The following MAP3K11 variants were observed in gnomAD, a reference collection of about 807,000 sequenced individuals.
The protein encoded by MAP3K11 is mitogen-activated protein kinase kinase kinase 11.
Under a neutral mutation model 84.9 loss-of-function variants are expected in MAP3K11, and 46 were observed. That is an observed-to-expected ratio of 0.54 (90% CI 0.43 to 0.69). The LOEUF (loss-of-function observed/expected upper bound fraction) is 0.69. MAP3K11 is among the 30% of genes least tolerant of loss of function. The pLI is 0.00. For missense variants in MAP3K11, 1,053 were observed against 1,198.3 expected (o/e 0.88, Z 1.79); for synonymous variants, 527 against 514.7 (o/e 1.02, Z -0.32).
At chr11:65,601,584 G>C (rs557356559) in intron 8 of MAP3K11, among the ~76,000 whole-genome samples, 1 of 151,600 alleles carries the variant, frequency 6.6e-6, no homozygotes, top group Non-Finnish European at 1.5e-5. Flanking sequence ...GTGAAACCCT[G>C]TCTCTACTAA....
chr11:65,607,947 G>A lies in MAP3K11; in HGVS notation c.1044C>T (p.Pro348=), dbSNP rs765260408. 8 of 1,614,108 alleles carry A rather than the reference G, an allele frequency of 5.0e-6. No individual in the cohort carries two copies. In the South Asian group the frequency reaches 7.7e-5, roughly 16 times the overall value. ...KLTLPIPSTC[P]EPFAQLMADC... The stretch of plus-strand genomic sequence containing the variant: ...CGGCCATAAGCTGTGCGAAGGGCTC[G>A]GGGCAGGTGGATGGGATGGGCAGTG... The change falls in exon 3 of 10, where the codon CCC becomes CCT. Residue 348 remains proline, a synonymous_variant. Transcript: ENST00000309100.
intron 8 of MAP3K11, 168 bp downstream of exon 8, chr11:65,605,593 C>G (rs1237575626): frequency 5.3e-6 from 3 of 562,728 alleles, no homozygotes; most frequent in African/African-American, 3.9e-5. Context: ...TAGGTCAGAC[C>G]TGGGTTCCAG....
chr11:65,601,920 T>G (rs1179176492), intron 8 of MAP3K11, among the ~76,000 whole-genome samples: 1 of 149,682 alleles, frequency 6.7e-6, no homozygotes, highest in Non-Finnish European at 1.5e-5. Context: ...AAAGAAAGAG[T>G]TGGCCGGGTG....
At position 65,608,415 on chromosome 11, in the gene MAP3K11, A is replaced by G; in HGVS notation, c.773T>C (p.Met258Thr). The change falls in exon 2 of 10, where the codon ATG becomes ACG. Residue 258 changes from methionine to threonine, a missense_variant. Around this residue, in one of 3 missense-constraint regions of MAP3K11, gnomAD observed 310 missense variants for 464.5 expected, o/e 0.67. Transcript: ENST00000309100. ...LLLQPIESDDMEHKTLKITDF... is the reference protein window; with the variant it reads ...LLLQPIESDDTEHKTLKITDF... The stretch of plus-strand genomic sequence containing the variant: ...GGTGATCTTCAGGGTCTTGTGCTCC[A>G]TGTCGTCACTCTCAATGGGCTGCAG... The G allele has an allele frequency of 6.2e-7, 1 of 1,614,164 alleles. No homozygotes were observed. The highest frequency in any genetic ancestry group is 1.1e-5 in the South Asian group (1 of 91,086).
Position 65,607,366 on chromosome 11 carries a change from C to T in MAP3K11, c.1393G>A (p.Asp465Asn). Residue 465 changes from aspartate to asparagine, a missense_variant, in exon 5 of 10, where the codon GAC becomes AAC. By Grantham distance (23) the Asp-to-Asn change is conservative. Transcript: ENST00000309100. ...CGGCGCACGTGCGGTCGCTCGCGGT[C>T]CACCTGCTGCAGCAGCAGCGTCAGC... ...RELTLLLQQV[D>N]RERPHVRRRR... 2 of 1,499,036 alleles carry T rather than the reference C, an allele frequency of 1.3e-6. No individual in the cohort carries two copies. The highest frequency in any genetic ancestry group is 1.8e-6 in the Non-Finnish European group (2 of 1,131,876). 92.9% of individuals were successfully genotyped at this position (1,499,036 alleles called of 1,614,324 possible).
Position 65,607,476 on chromosome 11 carries a change from G to A in MAP3K11, c.1283C>T (p.Ala428Val). The part of the protein sequence containing the change: ...LSREEELTRA[A>V]REQRSQAEQL... Reference sequence around the variant, plus strand: ...CTCCGCCTGTGACCGCTGCTCGCGCGCCGCTCGCGTCAGCTCCTCCTCGCG... The same window carrying A: ...CTCCGCCTGTGACCGCTGCTCGCGCACCGCTCGCGTCAGCTCCTCCTCGCG... Residue 428 changes from alanine (A) to valine (V), a missense_variant, in exon 5 of 10, where the codon GCG becomes GTG. Coordinates refer to ENST00000309100, the MANE Select transcript of MAP3K11 (RefSeq NM_002419.4). 6.4e-7 allele frequency: 1 copy of A among 1,565,494 alleles called. No homozygotes were observed.
chr11:65,601,628 C>T (rs1312079550), intron 8 of MAP3K11, among the ~76,000 whole-genome samples: 8 of 151,482 alleles, frequency 5.3e-5, no homozygotes, highest in African/African-American at 1.5e-4. Flanking sequence ...TGGTGGTGGG[C>T]GCCTGTAGTC....
chr11:65,607,408 C>A lies in MAP3K11; in HGVS notation c.1351G>T (p.Glu451Ter). 1.3e-6 allele frequency: 2 copies of A among 1,509,730 alleles called. No homozygotes were observed. Among genetic ancestry groups the A allele is most frequent in the Non-Finnish European group, 8.8e-7 (1 of 1,136,294 alleles). The allele number at this position is 1,509,730 out of a possible 1,614,324, so 93.5% of individuals were successfully genotyped here. The change falls in exon 5 of 10, where the codon GAG (glutamate) becomes TAG (stop). Residue 451 changes from glutamate to a stop codon, truncating the protein, a stop_gained. Coordinates refer to ENST00000309100, the MANE Select transcript of MAP3K11 (RefSeq NM_002419.4). LOFTEE classifies it high-confidence loss of function. ...REHLLAQWEL[E>*]VFERELTLLL... ...AGCGTCAGCTCGCGCTCGAACACCT[C>A]TAGCTCCCACTGGGCCAGCAGGTGC...
chr11:65,599,580 A>T lies in MAP3K11; in HGVS notation c.2020T>A (p.Ser674Thr), dbSNP rs1454145339. 13 of 1,507,274 alleles carry T rather than the reference A, an allele frequency of 8.6e-6. No individual in the cohort carries two copies. Among genetic ancestry groups the T allele is most frequent in the Non-Finnish European group, 1.1e-5 (12 of 1,136,980 alleles). The allele number at this position is 1,507,274 out of a possible 1,614,324, so 93.4% of individuals were successfully genotyped here. A position where few individuals can be genotyped will look rare whatever the true frequency, so the allele number is the denominator to read the frequency against. Residue 674 changes from serine to threonine, a missense_variant, in exon 9 of 10, where the codon TCC becomes ACC. This residue lies in a region of MAP3K11 where 583 missense variants were observed against 566.6 expected (regional missense o/e 1.03). Transcript: ENST00000309100. ...PGGPGRERGE[S>T]PTTPPTPTPA... Reference sequence around the variant, plus strand: ...GTTGGCGTGGGGGGTGTTGTCGGGGACTCCCCGCGCTCGCGTCCTGGGCCT... The same window carrying T: ...GTTGGCGTGGGGGGTGTTGTCGGGGTCTCCCCGCGCTCGCGTCCTGGGCCT...
intron 8 of MAP3K11, among the ~76,000 whole-genome samples, chr11:65,602,957 T>C (rs1004389405): frequency 5.9e-5 from 9 of 151,968 alleles, no homozygotes; most frequent in African/African-American, 2.2e-4. Context: ...AATATAAAAA[T>C]TAGCCAAGCA....
rs1590855852 is a variant in MAP3K11 at position 65,605,682 on chromosome 11, T to C, written c.1831+79A>G. On this transcript the variant is annotated intron_variant, in intron 8 of 9. Transcript: ENST00000309100. ...ACCAGGGCAGGACTCCTGCTTTGCC[T>C]ACTAGCCTATTGTGGCCTCCCCAAG... 31 of 1,018,004 alleles carry C rather than the reference T, an allele frequency of 3.0e-5. No homozygotes were observed. In the South Asian group the frequency reaches 4.5e-4, roughly 15 times the overall value. 63.1% of individuals were successfully genotyped at this position (1,018,004 alleles called of 1,614,324 possible).
Position 65,599,572 on chromosome 11 carries a change from TGTC to T in MAP3K11, c.2025_2027del (p.Thr677del), listed in dbSNP as rs775735855. The T allele has an allele frequency of 6.7e-7, 1 of 1,502,776 alleles. No homozygotes were observed. Among genetic ancestry groups the T allele is most frequent in the Admixed American group, 2.5e-5 (1 of 40,168 alleles). 93.1% of individuals were successfully genotyped at this position (1,502,776 alleles called of 1,614,324 possible). On this transcript the variant is annotated inframe_deletion, in exon 9 of 10. Transcript: ENST00000309100. ...GCGCGGGCGTTGGCGTGGGGGGTGT[TGTC>T]GGGGACTCCCCGCGCTCGCGTCCTG...
At chr11:65,601,900 T>A (rs927533620) in intron 8 of MAP3K11, among the ~76,000 whole-genome samples, 6 of 151,340 alleles carry the variant, frequency 4.0e-5, no homozygotes, top group African/African-American at 1.5e-4. Flanking sequence ...GGGGAAATCA[T>A]GTTTAAAAAA....
At chr11:65,598,957 G>T (rs932023989) in intron 9 of MAP3K11, among the ~76,000 whole-genome samples, 4 of 152,168 alleles carry the variant, frequency 2.6e-5, no homozygotes, top group African/African-American at 9.7e-5. Flanking sequence ...GACTAAATGA[G>T]ACCATCTCGG....
rs1212126391 is a variant in MAP3K11, at chr11:65,599,619, G to A, written c.1981C>T (p.Leu661=). 1.8e-5 allele frequency: 27 copies of A among 1,541,636 alleles called. No homozygotes were observed. The highest frequency in any genetic ancestry group is 2.3e-5 in the Non-Finnish European group (26 of 1,149,378). Residue 661 remains leucine (L), a synonymous_variant, in exon 9 of 10, where the codon CTG becomes TTG. Transcript: ENST00000309100. ...LLASLGLGRD[L]QPPGGPGRER... ...CGTCCTGGGCCTCCCGGCGGCTGCA[G>A]GTCGCGGCCAAGGCCCAGCGAGGCG...
In MAP3K11 at chr11:65,599,491, G is replaced by C; in HGVS notation, c.2109C>G (p.Pro703=). The stretch of plus-strand genomic sequence containing the variant: ...GGGGTGCAGGAGTGGGCGGGGAGTC[G>C]GGCGTCTTGAGCGAGAAGCAGATGA... ...SPLICFSLKT[P]DSPPTPAPLL... Residue 703 remains proline (P), a synonymous_variant, in exon 9 of 10, where the codon CCC becomes CCG. Coordinates refer to ENST00000309100, the MANE Select transcript of MAP3K11 (RefSeq NM_002419.4). 6.7e-7 allele frequency: 1 copy of C among 1,500,450 alleles called. No individual in the cohort carries two copies. Among genetic ancestry groups the C allele is most frequent in the Non-Finnish European group, 8.8e-7 (1 of 1,131,322 alleles). The allele number at this position is 1,500,450 out of a possible 1,614,324, so 92.9% of individuals were successfully genotyped here. A position where few individuals can be genotyped will look rare whatever the true frequency, so the allele number is the denominator to read the frequency against.
chr11:65,609,544 T>C (rs1205414150), intron 1 of MAP3K11: 1 of 152,224 alleles, frequency 6.6e-6, no homozygotes, highest in African/African-American at 2.4e-5. Context: ...AGGACAGGAA[T>C]GGCTCAAATG....
chr11:65,603,372 G>A (rs544652589), intron 8 of MAP3K11, among the ~76,000 whole-genome samples: 2 of 152,394 alleles, frequency 1.3e-5, no homozygotes, highest in South Asian at 2.1e-4. Context: ...GCTTCCGTGA[G>A]GTCTCACAGG....
chr11:65,604,830 G>T (rs1014761353), intron 8 of MAP3K11, among the ~76,000 whole-genome samples: 1 of 152,118 alleles, frequency 6.6e-6, no homozygotes, highest in Non-Finnish European at 1.5e-5. Context: ...AGGTGTGGGG[G>T]CTCTGAGGAT....
Sources: gnomAD v4.1 joint callset for allele counts (sites outside exome capture counted in the v4.1 genomes callset) on GRCh38, gnomAD v4.1.1 for gene constraint, gnomAD v4.1.1 regional missense constraint, MANE v1.5 for transcripts, NCBI Gene and HGNC (gene_info 2026-07-23, HGNC 2026-07-21) for gene names.